BCL7C: variants seen among roughly 807,000 people sequenced by gnomAD.
The protein encoded by BCL7C is BAF chromatin remodeling complex subunit BCL7C.
BCL7C carries 8 observed loss-of-function variants against 26.2 expected under a neutral mutation model. The ratio of observed to expected loss-of-function variants is 0.30; its 90% CI spans 0.18 to 0.55. BCL7C has a LOEUF of 0.55. BCL7C is among the 20% of genes least tolerant of loss of function. BCL7C has a pLI of 0.93. For missense variants in BCL7C, 262 were observed against 298.5 expected, an observed-to-expected ratio of 0.88 and a Z score of 0.90; for synonymous variants, 90 against 116.5, an observed-to-expected ratio of 0.77 and a Z score of 1.47.
intron 5 of BCL7C, among the ~76,000 whole-genome samples, chr16:30,836,051 G>A (rs986407984): frequency 2.0e-5 from 3 of 151,286 alleles, no homozygotes; most frequent in South Asian, 4.2e-4. Flanking sequence ...TCAGGGGTTC[G>A]AGACCAGCCT....
At chr16:30,848,036 C>A (rs1017493358) in intron 5 of BCL7C, among the ~76,000 whole-genome samples, 1 of 151,764 alleles carries the variant, frequency 6.6e-6, no homozygotes, top group Non-Finnish European at 1.5e-5. Flanking sequence ...GTGCTAGAGA[C>A]TCCAGATGTA....
chr16:30,850,072 T>C (rs967466566), intron 5 of BCL7C, among the ~76,000 whole-genome samples: 3 of 151,838 alleles, frequency 2.0e-5, no homozygotes, highest in South Asian at 2.1e-4. Flanking sequence ...CAGCTGGGCA[T>C]GGTGGCAGGC....
At chr16:30,835,271 C>A (rs2054562552) in intron 5 of BCL7C, 1 of 887,024 alleles carries the variant, frequency 1.1e-6, no homozygotes, top group East Asian at 3.0e-5. Context: ...CTTTTGCAAG[C>A]GATTAAGCTG....
rs776439179 is a variant in BCL7C at position 30,893,300 on chromosome 16, G to T, written c.93-10C>A. On this transcript the variant is annotated splice_polypyrimidine_tract_variant and intron_variant, in intron 1 of 5. Transcript: ENST00000215115. This position sits in a 1 kb window ranked among gnomAD's most constrained non-coding sequence, Gnocchi z 5.2. ...CACCCATCGCTTCTCCCTGTGGGAG[G>T]GTGGGGGGCTGGGTCAGAGAGGCCT... is the stretch of plus-strand genomic sequence containing the variant. The T allele has an allele frequency of 6.2e-7, 1 of 1,611,876 alleles. No individual in the cohort carries two copies. The highest frequency in any genetic ancestry group is 8.5e-7 in the Non-Finnish European group (1 of 1,178,636).
At chr16:30,837,724 T>G (rs1484531214) in intron 5 of BCL7C, among the ~76,000 whole-genome samples, 2 of 151,924 alleles carry the variant, frequency 1.3e-5, no homozygotes, top group Non-Finnish European at 2.9e-5. Context: ...TTCAAATGAG[T>G]TAGTTTATTG....
chr16:30,865,172 CAA>C (rs529882511), intron 5 of BCL7C, among the ~76,000 whole-genome samples: 25 of 40,816 alleles, frequency 6.1e-4, no homozygotes, highest in African/African-American at 6.5e-4. Context: ...ACCTCCAACT[CAA>C]AAAAAAAAAA....
At chr16:30,859,403 AG>A (rs2054750908) in intron 5 of BCL7C, among the ~76,000 whole-genome samples, 1 of 152,160 alleles carries the variant, frequency 6.6e-6, no homozygotes, top group Non-Finnish European at 1.5e-5. Flanking sequence ...GGATCATTTG[AG>A]GCTAGCAGTT....
Position 30,893,814 on chromosome 16 carries a change from C to T in BCL7C, c.92+39G>A. 1 of 1,577,258 alleles carries T rather than the reference C, an allele frequency of 6.3e-7. No individual in the cohort carries two copies. On this transcript the variant is annotated intron_variant, in intron 1 of 5. Coordinates refer to ENST00000215115, the MANE Select transcript of BCL7C (RefSeq NM_004765.4). The surrounding 1 kb of genome is among the most constrained non-coding windows in gnomAD (Gnocchi z 5.2). ...CGTAGACGCCTTTGGTGCTGGTGGT[C>T]CCGCTGTGTCCCGTCCCTGGCCCCC...
intron 5 of BCL7C, among the ~76,000 whole-genome samples, chr16:30,860,600 G>T (rs1259986805): frequency 1.3e-5 from 2 of 152,160 alleles, no homozygotes; most frequent in African/African-American, 4.8e-5. Context: ...CAAATAGCCA[G>T]AAAATGTCAC....
At chr16:30,883,358 G>GT (rs959253758), downstream of BCL7C, among the ~76,000 whole-genome samples, 7 of 151,644 alleles carry the variant, frequency 4.6e-5, no homozygotes, top group South Asian at 4.2e-4. Context: ...CATGTTCACT[G>GT]TTTTTTTTAA....
intron 5 of BCL7C, among the ~76,000 whole-genome samples, chr16:30,859,648 G>T (rs1014975144): frequency 3.3e-5 from 5 of 152,062 alleles, no homozygotes; most frequent in African/African-American, 1.2e-4. Flanking sequence ...CTTTAAGAAG[G>T]TACTTTGTAA....
At chr16:30,852,879 G>C (rs1222464675) in intron 5 of BCL7C, among the ~76,000 whole-genome samples, 1 of 149,414 alleles carries the variant, frequency 6.7e-6, no homozygotes, top group African/African-American at 2.6e-5. Flanking sequence ...ACATTGTACA[G>C]CTGTACAAAA....
At chr16:30,844,326 G>GTGA (rs2054620666) in intron 5 of BCL7C, among the ~76,000 whole-genome samples, 1 of 121,346 alleles carries the variant, frequency 8.2e-6, no homozygotes, top group South Asian at 2.8e-4. Context: ...CTCCAGCCTG[G>GTGA]TGACAGAGTG....
chr16:30,870,246 C>T (rs907618195), intron 5 of BCL7C, among the ~76,000 whole-genome samples: 9 of 152,162 alleles, frequency 5.9e-5, no homozygotes, highest in Non-Finnish European at 1.3e-4. Context: ...CCAGGCCTTA[C>T]GACTCCTGGC....
At chr16:30,890,867 C>T (rs930921041) in intron 4 of BCL7C, among the ~76,000 whole-genome samples, 7 of 152,072 alleles carry the variant, frequency 4.6e-5, no homozygotes, top group African/African-American at 1.7e-4. Context: ...TGCCTATAAT[C>T]CCAGCTACTC....
At chr16:30,862,581 A>G (rs1314755666) in intron 5 of BCL7C, among the ~76,000 whole-genome samples, 2 of 151,588 alleles carry the variant, frequency 1.3e-5, no homozygotes, top group African/African-American at 2.4e-5. Flanking sequence ...TCCAACATCT[A>G]TTCTCAAAGG....
intron 5 of BCL7C, among the ~76,000 whole-genome samples, chr16:30,838,535 C>A (rs1348624750): frequency 6.6e-6 from 1 of 152,206 alleles, no homozygotes; most frequent in Non-Finnish European, 1.5e-5. Context: ...GTAATCCCAG[C>A]ACTTTGGGAG....
intron 5 of BCL7C, among the ~76,000 whole-genome samples, chr16:30,877,373 G>GTCC (rs1278750452): frequency 1.3e-5 from 2 of 151,944 alleles, no homozygotes; most frequent in Non-Finnish European, 1.5e-5. Flanking sequence ...GGCTCAAGCA[G>GTCC]TCCTCCTGCC....
At chr16:30,879,702 A>AACAAAAAAAAAAAAAAAAAAC (rs2055012151) in intron 5 of BCL7C, among the ~76,000 whole-genome samples, 1 of 145,364 alleles carries the variant, frequency 6.9e-6, no homozygotes, top group Admixed American at 7.0e-5. Flanking sequence ...AAAAAAAAAA[A>AACAAAAAAAAAAAAAAAAAAC]AAAAAAACTG....
Sources: allele counts gnomAD v4.1 joint callset (sites outside exome capture counted in the v4.1 genomes callset), GRCh38; gene constraint gnomAD v4.1.1; non-coding constraint Gnocchi (gnomAD v3.1); transcripts MANE v1.5; gene names NCBI Gene and HGNC (gene_info 2026-07-23, HGNC 2026-07-21).